Variants in MRTO4 observed in about 807,000 individuals in gnomAD.
The protein encoded by MRTO4 is MRT4 homolog, ribosome maturation factor.
In MRTO4, 7 loss-of-function variants were observed where a neutral mutation model predicts 28.6. The observed-to-expected ratio is 0.24, with a 90% confidence interval of 0.14 to 0.46. The LOEUF is 0.46. Ranked by LOEUF, MRTO4 falls within the 20% of genes least tolerant of loss-of-function variation. The pLI, the probability that MRTO4 is intolerant of heterozygous loss-of-function variation, is 0.99. For synonymous variants in MRTO4, 113 were observed against 108.2 expected, an observed-to-expected ratio of 1.04 and a Z score of -0.27; for missense variants, 302 against 298.3, an observed-to-expected ratio of 1.01 and a Z score of -0.09.
At chr1:19,252,928 C>CTACA (rs1429954930) in intron 1 of MRTO4, among the ~76,000 whole-genome samples, 3 of 152,194 alleles carry the variant, frequency 2.0e-5, no homozygotes, top group African/African-American at 7.2e-5. Flanking sequence ...GCGTGAGCCA[C>CTACA]TACACCCGAC....
intron 1 of MRTO4, 22 bp from the exon 2 acceptor site, chr1:19,254,760 C>G (rs760376180): frequency 1.3e-6 from 2 of 1,596,350 alleles, no homozygotes; most frequent in East Asian, 2.2e-5. Context: ...CTCATCATCT[C>G]TCTCCTTTTT....
At position 19,257,911 on chromosome 1, in the gene MRTO4, G is replaced by A. The variant is rs1360348288; in HGVS notation, c.420G>A (p.Gly140=). The part of the protein sequence containing the change: ...KAAFTVSLDP[G]PLEQFPHSME... ...CTTTCACTGTGAGCCTGGATCCAGG[G>A]CCCCTGGAGCAGTTCCCCCACTCCA... Residue 140 remains glycine (G), a synonymous_variant, in exon 6 of 8, where the codon GGG becomes GGA. Coordinates refer to ENST00000330263, the MANE Select transcript of MRTO4 (RefSeq NM_016183.4). 2 of 1,614,118 alleles carry A rather than the reference G, an allele frequency of 1.2e-6. No homozygotes were observed. Among genetic ancestry groups the A allele is most frequent in the South Asian group, 1.1e-5 (1 of 91,080 alleles).
At chr1:19,254,944 TG>T in intron 2 of MRTO4, 104 bp downstream of exon 2, 2 of 950,176 alleles carry the variant, frequency 2.1e-6, no homozygotes, top group South Asian at 1.8e-5. Context: ...AACATACTAG[TG>T]GGGAAAAAAA....
intron 1 of MRTO4, 126 bp from the exon 2 acceptor site, chr1:19,254,656 C>T: frequency 1.2e-6 from 1 of 803,072 alleles, no homozygotes; most frequent in South Asian, 1.4e-5. Flanking sequence ...GCCACAAAGG[C>T]CTTGCTGCCT....
intron 1 of MRTO4, 57 bp from the exon 2 acceptor site, chr1:19,254,725 G>A: frequency 7.2e-7 from 1 of 1,386,272 alleles, no homozygotes; most frequent in Non-Finnish European, 1.0e-6. Context: ...AAGAAAATAA[G>A]TCTCCAGTGC....
At position 19,255,930 on chromosome 1, in the gene MRTO4, T is replaced by C. The variant is rs1049052131; in HGVS notation, c.88-18T>C. ...TATGCTGCTGCTTGAACTCAGAGCC[T>C]CGTGAATTGTCCCACAGCTTCGGAA... On this transcript the variant is annotated intron_variant, in intron 2 of 7. Coordinates refer to ENST00000330263, the MANE Select transcript of MRTO4 (RefSeq NM_016183.4). The C allele has an allele frequency of 6.2e-7, 1 of 1,608,958 alleles. No individual in the cohort carries two copies. Among genetic ancestry groups the C allele is most frequent in the African/African-American group, 1.3e-5 (1 of 74,756 alleles).
intron 3 of MRTO4, 87 bp from the exon 4 acceptor site, chr1:19,256,977 T>C: frequency 7.5e-7 from 1 of 1,332,180 alleles, no homozygotes; most frequent in East Asian, 2.3e-5. Context: ...CTGAGCTCAC[T>C]GGGGACCGGA....
At chr1:19,254,400 A>C (rs549544158) in intron 1 of MRTO4, among the ~76,000 whole-genome samples, 3 of 151,980 alleles carry the variant, frequency 2.0e-5, no homozygotes, top group Non-Finnish European at 4.4e-5. Context: ...CCATGTCAAA[A>C]AAAAAACAAA....
chr1:19,255,888 C>A, intron 2 of MRTO4, 60 bp from the exon 3 acceptor site: 1 of 1,410,042 alleles, frequency 7.1e-7, no homozygotes, highest in Non-Finnish European at 1.0e-6. Context: ...CATCTGAGGC[C>A]AGAGTAGTGC....
chr1:19,252,118 C>A, intron 1 of MRTO4: 3 of 540,382 alleles, frequency 5.6e-6, no homozygotes, highest in Non-Finnish European at 9.7e-6. Context: ...CCAACTGGGT[C>A]GGGAGGCAGC....
rs369921635 is a variant in MRTO4, at chr1:19,255,952, G to A, written c.92G>A (p.Arg31Gln). Reference protein sequence around the residue: ...ELKQNLIEELRKCVDTYKYLF... With the variant: ...ELKQNLIEELQKCVDTYKYLF... ...GCCTCGTGAATTGTCCCACAGCTTC[G>A]GAAATGTGTGGACACCTACAAGTAC... is the stretch of plus-strand genomic sequence containing the variant. Residue 31 changes from arginine (R) to glutamine (Q), a missense_variant, in exon 3 of 8, where the codon CGG becomes CAG. Transcript: ENST00000330263. The A allele has an allele frequency of 6.2e-5, 100 of 1,613,670 alleles. No individual in the cohort carries two copies. In the Admixed American group the frequency reaches 8.2e-4, roughly 13 times the overall value.
intron 1 of MRTO4, among the ~76,000 whole-genome samples, chr1:19,253,636 A>G (rs1365209626): frequency 6.6e-6 from 1 of 152,224 alleles, no homozygotes; most frequent in African/African-American, 2.4e-5. Context: ...AAGGTATAAC[A>G]GTGGAAATGA....
rs2093674925 is a variant in MRTO4 at position 19,258,485 on chromosome 1, A to T, written c.502A>T (p.Thr168Ser). 2 of 1,613,634 alleles carry T rather than the reference A, an allele frequency of 1.2e-6. No individual in the cohort carries two copies. The highest frequency in any genetic ancestry group is 1.7e-6 in the Non-Finnish European group (2 of 1,179,988). The change falls in exon 7 of 8, where the codon ACT (threonine) becomes TCT (serine). Residue 168 changes from threonine to serine, a missense_variant. By Grantham distance (58) the Thr-to-Ser change is moderately conservative. Transcript: ENST00000330263. Reference protein sequence around the residue: ...LPTALKRGVVTLLSDYEVCKE... With the variant: ...LPTALKRGVVSLLSDYEVCKE... The stretch of plus-strand genomic sequence containing the variant: ...GCCACCCTCTTCTGCAGGTGTGGTG[A>T]CTCTGCTGTCTGACTACGAGGTGTG...
At chr1:19,252,112 C>T (rs1274459646) in intron 1 of MRTO4, 7 of 558,966 alleles carry the variant, frequency 1.3e-5, no homozygotes, top group African/African-American at 9.7e-5. Context: ...GCAAGGCCAA[C>T]TGGGTCGGGA....
intron 7 of MRTO4, 51 bp from the exon 8 acceptor site, chr1:19,258,630 C>T (rs2294940): frequency 0.038 from 61,060 of 1,614,066 alleles, 1,306 homozygotes; most frequent in South Asian, 0.056. Flanking sequence ...CCCCCCTGCA[C>T]TTTGAATACC....
rs112515485 is a variant in MRTO4, at chr1:19,258,837, C to T, written c.*7C>T. 1.4e-5 allele frequency: 23 copies of T among 1,613,360 alleles called. No individual in the cohort carries two copies. The African/African-American group carries it at 2.4e-4, about 17-fold the overall frequency. On this transcript the variant is annotated 3_prime_UTR_variant, in exon 8 of 8. Transcript: ENST00000330263. ...CTCAGAAGATGATGACTGAAAGGGA[C>T]TCGGGACTGAAGGTCTCCTGGAAGC...
Position 19,258,515 on chromosome 1 carries a change from G to A in MRTO4, c.532G>A (p.Glu178Lys). Reference sequence around the variant, plus strand: ...GCTGTCTGACTACGAGGTGTGCAAGGAGGGCGATGTGCTGACCCCAGAGCA... The same window carrying A: ...GCTGTCTGACTACGAGGTGTGCAAGAAGGGCGATGTGCTGACCCCAGAGCA... ...TLLSDYEVCK[E>K]GDVLTPEQAR... Residue 178 changes from glutamate to lysine, a missense_variant, in exon 7 of 8, where the codon GAG becomes AAG. Physicochemically the swap from Glu to Lys is moderately conservative, Grantham distance 56. Coordinates refer to ENST00000330263, the MANE Select transcript of MRTO4 (RefSeq NM_016183.4). The A allele has an allele frequency of 6.2e-7, 1 of 1,614,114 alleles. No individual in the cohort carries two copies. The highest frequency in any genetic ancestry group is 8.5e-7 in the Non-Finnish European group (1 of 1,180,044).
In MRTO4 at chr1:19,254,837, A is replaced by G. The variant is rs781261426; in HGVS notation, c.84A>G (p.Glu28=). 3 of 1,605,778 alleles carry G rather than the reference A, an allele frequency of 1.9e-6. No homozygotes were observed. Among genetic ancestry groups the G allele is most frequent in the South Asian group, 2.2e-5 (2 of 89,732 alleles). ...KGLELKQNLI[E]ELRKCVDTYK... Reference sequence around the variant, plus strand: ...TGGAATTGAAACAAAACCTGATAGAAGAGGTAAGAGGTTGTTCTTTTCTAG... The same window carrying G: ...TGGAATTGAAACAAAACCTGATAGAGGAGGTAAGAGGTTGTTCTTTTCTAG... Residue 28 remains glutamate (E), a synonymous_variant, in exon 2 of 8, where the codon GAA becomes GAG. Coordinates refer to ENST00000330263, the MANE Select transcript of MRTO4 (RefSeq NM_016183.4).
At chr1:19,258,226 A>G (rs1202959872) in intron 6 of MRTO4, among the ~76,000 whole-genome samples, 1 of 152,046 alleles carries the variant, frequency 6.6e-6, no homozygotes, top group Non-Finnish European at 1.5e-5. Flanking sequence ...AAGTCAAAAA[A>G]TTAGACAGCC....
Sources: allele counts gnomAD v4.1 joint callset (sites outside exome capture counted in the v4.1 genomes callset), GRCh38; gene constraint gnomAD v4.1.1; transcripts MANE v1.5; gene names NCBI Gene and HGNC (gene_info 2026-07-23, HGNC 2026-07-21).